The following VEPH1 variants were observed in gnomAD, a reference collection of about 807,000 sequenced individuals.
VEPH1 encodes ventricular zone-expressed PH domain-containing protein homolog 1.
VEPH1 carries 80 observed loss-of-function variants against 85.2 expected under a neutral mutation model. That is an observed-to-expected ratio of 0.94 (90% CI 0.78 to 1.13). VEPH1 has a LOEUF of 1.13. Among genes scored for constraint, VEPH1 ranks in the 50% most tolerant of loss-of-function variants. VEPH1 has a pLI of 0.00. For missense variants in VEPH1, 955 were observed against 980.5 expected (o/e 0.97, Z 0.35); for synonymous variants, 297 against 348.0 (o/e 0.85, Z 1.63).
At chr3:157,313,257 C>G (rs1317221404) in intron 11 of VEPH1, among the ~76,000 whole-genome samples, 1 of 151,980 alleles carries the variant, frequency 6.6e-6, no homozygotes, top group Non-Finnish European at 1.5e-5. Flanking sequence ...TAATCTGGAA[C>G]TACTGGCCTC....
chr3:157,332,437 TTG>T (rs756774648), intron 9 of VEPH1, among the ~76,000 whole-genome samples: 20 of 152,322 alleles, frequency 1.3e-4, no homozygotes, highest in Admixed American at 3.3e-4. Flanking sequence ...AATCTGCATT[TTG>T]TCTCTATAGA....
Position 157,261,171 on chromosome 3 carries a change from T to C in VEPH1, c.2465A>G (p.Lys822Arg). Reference protein sequence around the residue: ...QCINVAVAQAKERESREVTTY... With the variant: ...QCINVAVAQARERESREVTTY... The stretch of plus-strand genomic sequence containing the variant: ...GGTTACTTCTCTACTTTCCCTTTCT[T>C]TGGCTTGGGCAACTGCCACGTTGAT... Residue 822 changes from lysine to arginine, a missense_variant, in exon 14 of 14, where the codon AAA (lysine) becomes AGA (arginine). Transcript: ENST00000362010. 1 of 1,613,840 alleles carries C rather than the reference T, an allele frequency of 6.2e-7. No individual in the cohort carries two copies. The highest frequency in any genetic ancestry group is 8.5e-7 in the Non-Finnish European group (1 of 1,179,774).
intron 4 of VEPH1, among the ~76,000 whole-genome samples, chr3:157,451,798 A>T (rs1734989156): frequency 6.6e-6 from 1 of 152,218 alleles, no homozygotes; most frequent in Non-Finnish European, 1.5e-5. Flanking sequence ...TGAAGACCAG[A>T]GTGGCTCTGC....
At chr3:157,313,864 T>C in intron 10 of VEPH1, 109 bp from the exon 11 acceptor site, 1 of 1,324,606 alleles carries the variant, frequency 7.5e-7, no homozygotes, top group South Asian at 1.5e-5. Flanking sequence ...TTAACATGAT[T>C]TAATTTTAAA....
At chr3:157,456,978 AATG>A (rs1735441508) in intron 4 of VEPH1, among the ~76,000 whole-genome samples, 1 of 152,126 alleles carries the variant, frequency 6.6e-6, no homozygotes, top group Non-Finnish European at 1.5e-5. Flanking sequence ...TGGCCATTTT[AATG>A]ATATTGTTTC....
At chr3:157,269,471 G>A (rs1704005757) in intron 12 of VEPH1, among the ~76,000 whole-genome samples, 1 of 152,168 alleles carries the variant, frequency 6.6e-6, no homozygotes, top group South Asian at 2.1e-4. Flanking sequence ...GTAGCTGAAT[G>A]TGAGGCCCCA....
intron 4 of VEPH1, among the ~76,000 whole-genome samples, chr3:157,445,499 C>T (rs1734478694): frequency 6.6e-6 from 1 of 152,116 alleles, no homozygotes; most frequent in Admixed American, 6.6e-5. Flanking sequence ...TACGCACCTG[C>T]AGTCCCAGCT....
At chr3:157,458,665 T>C (rs1182240371) in intron 4 of VEPH1, among the ~76,000 whole-genome samples, 1 of 152,216 alleles carries the variant, frequency 6.6e-6, no homozygotes, top group African/African-American at 2.4e-5. Context: ...TTGTCATAAT[T>C]GGTTTTAAGG....
At chr3:157,450,874 G>T (rs1734917428) in intron 4 of VEPH1, among the ~76,000 whole-genome samples, 1 of 152,110 alleles carries the variant, frequency 6.6e-6, no homozygotes, top group Admixed American at 6.6e-5. Context: ...TATTGGGAGA[G>T]AATTACATAG....
intron 5 of VEPH1, among the ~76,000 whole-genome samples, chr3:157,426,289 C>A (rs1732748961): frequency 6.6e-6 from 1 of 152,044 alleles, no homozygotes; most frequent in South Asian, 2.1e-4. Flanking sequence ...AGCATGCATC[C>A]AAAACAGACA....
chr3:157,424,348 G>T (rs1322137204), intron 5 of VEPH1, among the ~76,000 whole-genome samples: 1 of 152,148 alleles, frequency 6.6e-6, no homozygotes, highest in Non-Finnish European at 1.5e-5. Flanking sequence ...GTCTTTATCA[G>T]CAGCATGAAA....
chr3:157,436,970 T>A, intron 4 of VEPH1: 1 of 1,614,080 alleles, frequency 6.2e-7, no homozygotes, highest in Non-Finnish European at 8.5e-7. Context: ...TGCTCTCTGG[T>A]CTGCAGTGTT....
chr3:157,299,427 T>A (rs1425381855), intron 11 of VEPH1, among the ~76,000 whole-genome samples: 1 of 150,752 alleles, frequency 6.6e-6, no homozygotes, highest in East Asian at 2.0e-4. Flanking sequence ...AGGTGTGGTG[T>A]TGGGCGCCTG....
At chr3:157,389,493 C>A (rs946795975) in intron 6 of VEPH1, among the ~76,000 whole-genome samples, 2 of 152,138 alleles carry the variant, frequency 1.3e-5, no homozygotes. Context: ...CTACTCTGTG[C>A]ACATCTGTGA....
intron 12 of VEPH1, among the ~76,000 whole-genome samples, chr3:157,285,630 C>T (rs1193404950): frequency 6.6e-6 from 1 of 152,140 alleles, no homozygotes; most frequent in African/African-American, 2.4e-5. Flanking sequence ...GTTCCTGAGC[C>T]GAGTCAGCAT....
intron 4 of VEPH1, chr3:157,437,918 A>T (rs1474288492): frequency 6.5e-7 from 1 of 1,528,384 alleles, no homozygotes; most frequent in Non-Finnish European, 8.7e-7. Context: ...CCGGCAGGTA[A>T]GGAGGCAAGC....
rs1384606946 is a variant in VEPH1, at chr3:157,485,316, GC to G, written c.138+9895del. ...ATGAAGAACAATATGACAAGTTCCTGCACATGTAGGCCATGACAACTATGTA... is the reference window on the plus strand; with the variant it reads ...ATGAAGAACAATATGACAAGTTCCTGACATGTAGGCCATGACAACTATGTA... On this transcript the variant is annotated intron_variant, in intron 2 of 13. Transcript: ENST00000362010. Among the ~76,000 whole-genome samples the G allele has an allele frequency of 3.9e-5, 6 of 152,264 alleles. No homozygotes were observed. In the East Asian group the frequency reaches 1.2e-3, roughly 29 times the overall value.
At chr3:157,467,016 AG>A (rs1736433960) in intron 3 of VEPH1, among the ~76,000 whole-genome samples, 1 of 152,214 alleles carries the variant, frequency 6.6e-6, no homozygotes, top group African/African-American at 2.4e-5. Context: ...CAAGAAAAGA[AG>A]TATAATTACC....
intron 9 of VEPH1, among the ~76,000 whole-genome samples, chr3:157,327,895 G>A (rs946108701): frequency 6.6e-6 from 1 of 152,170 alleles, no homozygotes; most frequent in Non-Finnish European, 1.5e-5. Context: ...AGGGAACAAA[G>A]AGCCCTTCCT....
Sources: gnomAD v4.1 joint callset for allele counts (sites outside exome capture counted in the v4.1 genomes callset) on GRCh38, gnomAD v4.1.1 for gene constraint, MANE v1.5 for transcripts, NCBI Gene and HGNC (gene_info 2026-07-23, HGNC 2026-07-21) for gene names.